The following SYNE2 variants were observed in gnomAD, a reference collection of about 807,000 sequenced individuals.
SYNE2 encodes the protein nesprin-2.
In SYNE2, 431 loss-of-function variants were observed where a neutral mutation model predicts 856.3. The observed-to-expected ratio is 0.50, with a 90% confidence interval of 0.47 to 0.55. The LOEUF (loss-of-function observed/expected upper bound fraction) is 0.55. Ranked by LOEUF, SYNE2 falls within the 20% of genes least tolerant of loss-of-function variation. SYNE2 has a pLI of 0.00. For synonymous variants in SYNE2, 2,923 were observed against 2,872.3 expected (o/e 1.02, Z -0.56); for missense variants, 8,129 against 8,023.2 (o/e 1.01, Z -0.50).
chr14:63,940,750 G>A (rs370838783), intron 3 of SYNE2, 75 bp downstream of exon 3: 2 of 1,388,186 alleles, frequency 1.4e-6, no homozygotes, highest in East Asian at 4.7e-5. Context: ...TGACCCCAAG[G>A]AGGCCATTAA....
chr14:63,881,781 T>G (rs2094871387), intron 1 of SYNE2, among the ~76,000 whole-genome samples: 1 of 152,188 alleles, frequency 6.6e-6, no homozygotes, highest in Non-Finnish European at 1.5e-5. Context: ...AAGCTTTGCA[T>G]AGCCTTAGTA....
intron 62 of SYNE2, chr14:64,098,404 C>A: frequency 1.7e-6 from 1 of 599,270 alleles, no homozygotes; most frequent in Non-Finnish European, 3.0e-6. Flanking sequence ...GCAGGTGGAT[C>A]AAGCCTCCCT....
chr14:63,960,891 A>G (rs890402699), intron 8 of SYNE2: 3 of 590,260 alleles, frequency 5.1e-6, no homozygotes, highest in Non-Finnish European at 9.2e-6. Flanking sequence ...AAAAATAAAA[A>G]ATAAGATAAA....
intron 8 of SYNE2, among the ~76,000 whole-genome samples, chr14:63,956,976 AC>A (rs929857881): frequency 6.6e-6 from 1 of 151,390 alleles, no homozygotes; most frequent in East Asian, 1.9e-4. Context: ...TTTACCCCTA[AC>A]CCCCCCATGC....
intron 1 of SYNE2, among the ~76,000 whole-genome samples, chr14:63,870,982 T>C (rs573329907): frequency 6.6e-6 from 1 of 151,816 alleles, no homozygotes; most frequent in African/African-American, 2.4e-5. Flanking sequence ...ACTGTCATTT[T>C]ACTTTTTTAA....
At chr14:63,847,990 G>A (rs925162449), upstream of SYNE2, among the ~76,000 whole-genome samples, 10 of 152,090 alleles carry the variant, frequency 6.6e-5, no homozygotes, top group African/African-American at 9.7e-5. Context: ...GAGTTCAAGC[G>A]ATTCTCCTGC....
Position 64,010,005 on chromosome 14 carries a change from A to C in SYNE2, c.4617A>C (p.Gln1539His). ...QCGRVLELLK[Q>H]YQNFKSILTT... ...GGAGAGTTTTGGAGCTCTTAAAACA[A>C]TATCAGAATTTTAAAAGCATCTTGA... The change falls in exon 32 of 116, where the codon CAA becomes CAC. Residue 1539 changes from glutamine (Q) to histidine (H), a missense_variant. By Grantham distance (24) the Gln-to-His change is conservative. Transcript: ENST00000555002. 3.7e-6 allele frequency: 6 copies of C among 1,613,972 alleles called. No individual in the cohort carries two copies. The highest frequency in any genetic ancestry group is 5.1e-6 in the Non-Finnish European group (6 of 1,179,886).
In SYNE2 at chr14:64,010,025, T is replaced by A; in HGVS notation, c.4637T>A (p.Ile1546Asn). The A allele has an allele frequency of 6.2e-7, 1 of 1,614,070 alleles. No individual in the cohort carries two copies. Among genetic ancestry groups the A allele is most frequent in the Non-Finnish European group, 8.5e-7 (1 of 1,179,952 alleles). ...AAACAATATCAGAATTTTAAAAGCA[T>A]CTTGACAACTTTGATTCAAAAAGAA... ...LLKQYQNFKS[I>N]LTTLIQKEES... is the part of the protein sequence containing the mutation. The change falls in exon 32 of 116, where the codon ATC becomes AAC. Residue 1546 changes from isoleucine (I) to asparagine (N), a missense_variant. By Grantham distance (149) the Ile-to-Asn change is moderately radical. Coordinates refer to ENST00000555002, the MANE Select transcript of SYNE2 (RefSeq NM_182914.3).
intron 19 of SYNE2, among the ~76,000 whole-genome samples, chr14:63,988,429 T>A (rs546764938): frequency 6.6e-6 from 1 of 152,304 alleles, no homozygotes; most frequent in African/African-American, 2.4e-5. Context: ...CAGTTTTTTT[T>A]AATTACATGA....
intron 41 of SYNE2, 129 bp downstream of exon 41, chr14:64,025,550 G>A: frequency 1.1e-6 from 1 of 918,582 alleles, no homozygotes; most frequent in Non-Finnish European, 1.6e-6. Flanking sequence ...AAGAAATTCA[G>A]ATCACTGAGC....
intron 1 of SYNE2, among the ~76,000 whole-genome samples, chr14:63,826,793 G>C (rs1444652116): frequency 5.9e-5 from 9 of 151,976 alleles, no homozygotes; most frequent in Admixed American, 5.2e-4. Flanking sequence ...CCTTGTGTTA[G>C]GCAATGATTT....
At chr14:64,169,631 A>C (rs1159894959) in intron 93 of SYNE2, among the ~76,000 whole-genome samples, 1 of 152,222 alleles carries the variant, frequency 6.6e-6, no homozygotes, top group Non-Finnish European at 1.5e-5. Context: ...CTTTCAGCAT[A>C]ACTAAGAAAT....
chr14:64,219,068 G>C, intron 109 of SYNE2, 140 bp from the exon 110 acceptor site: 1 of 763,062 alleles, frequency 1.3e-6, no homozygotes, highest in Non-Finnish European at 2.1e-6. Context: ...CCCAAAACCA[G>C]ACCCTTCTGT....
chr14:64,128,616 C>A, intron 74 of SYNE2, 63 bp downstream of exon 74: 2 of 1,010,770 alleles, frequency 2.0e-6, no homozygotes, highest in Non-Finnish European at 3.2e-6. Context: ...GCATATAAGC[C>A]GTGCTTCTGA....
At chr14:64,206,700 A>G (rs1209198373) in intron 100 of SYNE2, among the ~76,000 whole-genome samples, 2 of 152,076 alleles carry the variant, frequency 1.3e-5, no homozygotes, top group Non-Finnish European at 2.9e-5. Flanking sequence ...ATAATGTAGG[A>G]TAATTGCAGA....
intron 11 of SYNE2, among the ~76,000 whole-genome samples, chr14:63,973,737 G>A (rs1023176962): frequency 2.0e-5 from 3 of 150,998 alleles, no homozygotes; most frequent in Non-Finnish European, 4.4e-5. Flanking sequence ...TGGAAAAACT[G>A]TAACATCTAA....
intron 79 of SYNE2, 116 bp downstream of exon 79, chr14:64,138,099 A>G: frequency 8.5e-7 from 1 of 1,182,382 alleles, no homozygotes; most frequent in Non-Finnish European, 1.2e-6. Context: ...TTTCTTGGGC[A>G]GTCTAAAGCA....
rs1302747287 is a variant in SYNE2, at chr14:64,221,620, T to C, written c.20106T>C (p.Ser6702=). The change falls in exon 112 of 116, where the codon AGT becomes AGC. Residue 6702 remains serine, a synonymous_variant. Transcript: ENST00000555002. ...LSQNLLLWLA[S]AKNRRQKAHV... is the part of the protein sequence containing the mutation. Reference sequence around the variant, plus strand: ...AAAATCTGCTGCTGTGGTTAGCGAGTGCCAAGAACCGGAGGCAGAAGGCTC... The same window carrying C: ...AAAATCTGCTGCTGTGGTTAGCGAGCGCCAAGAACCGGAGGCAGAAGGCTC... 3 of 1,613,930 alleles carry C rather than the reference T, an allele frequency of 1.9e-6. No individual in the cohort carries two copies. Among genetic ancestry groups the C allele is most frequent in the Non-Finnish European group, 2.5e-6 (3 of 1,180,036 alleles).
At chr14:63,856,308 G>A (rs72718305) in intron 1 of SYNE2, among the ~76,000 whole-genome samples, 3,761 of 152,360 alleles carry the variant, frequency 0.025, 62 homozygotes, top group Admixed American at 0.042. Flanking sequence ...AACTTTCTGA[G>A]ATTATGCAGT....
Sources: gnomAD v4.1 joint callset for allele counts (sites outside exome capture counted in the v4.1 genomes callset) on GRCh38, gnomAD v4.1.1 for gene constraint, MANE v1.5 for transcripts, NCBI Gene and HGNC (gene_info 2026-07-23, HGNC 2026-07-21) for gene names.